The following SLC9A9 variants were observed in gnomAD, a reference collection of about 807,000 sequenced individuals.
SLC9A9 encodes solute carrier family 9 member A9.
A neutral mutation model predicts 77.8 loss-of-function variants in SLC9A9; 62 were observed. That is an observed-to-expected ratio of 0.80 (90% CI 0.65 to 0.98). SLC9A9 has a LOEUF of 0.98. Ranked by LOEUF, SLC9A9 falls within the 50% of genes least tolerant of loss-of-function variation. The pLI is 0.00. For synonymous variants in SLC9A9, 320 were observed against 283.5 expected (o/e 1.13, Z -1.29); for missense variants, 775 against 774.9 (o/e 1.00, Z 0.00).
intron 9 of SLC9A9, 91 bp from the exon 10 acceptor site, chr3:143,495,539 G>T: frequency 2.1e-6 from 2 of 974,656 alleles, no homozygotes; most frequent in Admixed American, 1.8e-5. Context: ...AACTGACTGG[G>T]TCTCCTTTAT....
intron 2 of SLC9A9, among the ~76,000 whole-genome samples, chr3:143,825,357 A>C (rs1177488786): frequency 6.6e-6 from 1 of 152,106 alleles, no homozygotes; most frequent in African/African-American, 2.4e-5. Flanking sequence ...ATATATGAGA[A>C]TTAAAACTCT....
intron 15 of SLC9A9, among the ~76,000 whole-genome samples, chr3:143,267,962 C>G (rs923562514): frequency 6.6e-6 from 1 of 152,156 alleles, no homozygotes; most frequent in African/African-American, 2.4e-5. Context: ...AAATACAGAT[C>G]ATCGTTCAAG....
At chr3:143,549,894 G>C (rs1442974505) in intron 9 of SLC9A9, among the ~76,000 whole-genome samples, 2 of 152,162 alleles carry the variant, frequency 1.3e-5, no homozygotes, top group Non-Finnish European at 2.9e-5. Flanking sequence ...TAAGCCCTAG[G>C]GAAAGCTAGT....
intron 12 of SLC9A9, among the ~76,000 whole-genome samples, chr3:143,394,386 T>C (rs1001614417): frequency 6.6e-6 from 1 of 152,186 alleles, no homozygotes; most frequent in Non-Finnish European, 1.5e-5. Flanking sequence ...GAAAAGGCCT[T>C]TGACAAAATT....
intron 4 of SLC9A9, among the ~76,000 whole-genome samples, chr3:143,730,020 A>T (rs1187902319): frequency 1.3e-5 from 2 of 152,192 alleles, no homozygotes; most frequent in African/African-American, 4.8e-5. Context: ...CCTGATATCC[A>T]TTTCTATAAC....
chr3:143,284,016 C>G (rs902250730), intron 14 of SLC9A9, among the ~76,000 whole-genome samples: 1 of 151,064 alleles, frequency 6.6e-6, no homozygotes, highest in Non-Finnish European at 1.5e-5. Context: ...TGTGTGTCCA[C>G]TTTAATAAAT....
intron 14 of SLC9A9, among the ~76,000 whole-genome samples, chr3:143,361,267 G>A (rs530717610): frequency 1.3e-5 from 2 of 152,206 alleles, no homozygotes; most frequent in South Asian, 2.1e-4. Flanking sequence ...TTTTCATGAT[G>A]CAATTTTACT....
intron 6 of SLC9A9, among the ~76,000 whole-genome samples, chr3:143,603,017 A>G (rs909363038): frequency 6.6e-6 from 1 of 152,258 alleles, no homozygotes; most frequent in Non-Finnish European, 1.5e-5. Context: ...GAACACATTC[A>G]GGTTTTAAGG....
chr3:143,376,498 T>A (rs1029753378), intron 13 of SLC9A9, among the ~76,000 whole-genome samples: 1 of 152,210 alleles, frequency 6.6e-6, no homozygotes, highest in Non-Finnish European at 1.5e-5. Flanking sequence ...AGGTAAAGAT[T>A]AAATGTGATT....
chr3:143,274,178 A>T (rs1384230166), intron 14 of SLC9A9, among the ~76,000 whole-genome samples: 1 of 152,234 alleles, frequency 6.6e-6, no homozygotes, highest in Non-Finnish European at 1.5e-5. Context: ...TATAGACTTG[A>T]TAAATGGTCT....
At chr3:143,496,824 T>C (rs1393392080) in intron 9 of SLC9A9, among the ~76,000 whole-genome samples, 1 of 152,238 alleles carries the variant, frequency 6.6e-6, no homozygotes, top group Non-Finnish European at 1.5e-5. Flanking sequence ...AAATACCATA[T>C]ACTGAATGGC....
At chr3:143,756,193 G>A (rs923060480) in intron 4 of SLC9A9, among the ~76,000 whole-genome samples, 4 of 152,124 alleles carry the variant, frequency 2.6e-5, no homozygotes, top group African/African-American at 4.8e-5. Context: ...ATCTAGGGGC[G>A]TTTTTGTGCA....
chr3:143,422,241 T>G (rs2034312881), intron 12 of SLC9A9, among the ~76,000 whole-genome samples: 1 of 152,116 alleles, frequency 6.6e-6, no homozygotes, highest in African/African-American at 2.4e-5. Flanking sequence ...AGCAATCCTG[T>G]TACTAGGTAT....
intron 6 of SLC9A9, among the ~76,000 whole-genome samples, chr3:143,625,462 A>G (rs536577194): frequency 1.3e-5 from 2 of 152,354 alleles, no homozygotes; most frequent in Non-Finnish European, 1.5e-5. Flanking sequence ...ATAATGCCAC[A>G]TATCTATAAC....
At chr3:143,817,209 T>C (rs964074415) in intron 2 of SLC9A9, among the ~76,000 whole-genome samples, 2 of 149,890 alleles carry the variant, frequency 1.3e-5, no homozygotes, top group African/African-American at 4.9e-5. Flanking sequence ...ACTGCAGTGG[T>C]GCAATCTCGG....
At chr3:143,844,355 CA>C (rs5853132) in intron 1 of SLC9A9, among the ~76,000 whole-genome samples, 137,383 of 152,162 alleles carry the variant, frequency 0.9, 62,916 homozygotes, top group South Asian at 0.99. Flanking sequence ...ATAGACTCAA[CA>C]TCTATCGAGT....
rs188903756 is a variant in SLC9A9, at chr3:143,570,783, T to C, written c.1000+3305A>G. Among the ~76,000 whole-genome samples the C allele has an allele frequency of 6.5e-3, 986 of 152,230 alleles. 6 individuals carry two copies. The highest frequency in any genetic ancestry group is 8.3e-3 in the Non-Finnish European group (565 of 68,012). On this transcript the variant is annotated intron_variant, in intron 8 of 15. Coordinates refer to ENST00000316549, the MANE Select transcript of SLC9A9 (RefSeq NM_173653.4). ...ATTTAGGTAGGCATATTTAAGTGTA[T>C]ATGTGTGTGTATAATTATATATATA...
chr3:143,627,872 A>G (rs967276007), intron 6 of SLC9A9, among the ~76,000 whole-genome samples: 37 of 152,250 alleles, frequency 2.4e-4, no homozygotes, highest in African/African-American at 8.9e-4. Context: ...ACAAATAATT[A>G]ATAAAATACA....
chr3:143,609,436 A>C (rs1442707214), intron 6 of SLC9A9, among the ~76,000 whole-genome samples: 3 of 152,210 alleles, frequency 2.0e-5, no homozygotes, highest in South Asian at 2.1e-4. Context: ...TTGTTTACAC[A>C]ATCTAGTATT....
Sources: allele counts gnomAD v4.1 joint callset (sites outside exome capture counted in the v4.1 genomes callset), GRCh38; gene constraint gnomAD v4.1.1; transcripts MANE v1.5; gene names NCBI Gene and HGNC (gene_info 2026-07-23, HGNC 2026-07-21).